SLC12A4: variants seen among roughly 807,000 people sequenced by gnomAD.
SLC12A4 encodes the protein electroneutral potassium-chloride cotransporter 1.
Under a neutral mutation model 119.2 loss-of-function variants are expected in SLC12A4, and 84 were observed. The observed-to-expected ratio is 0.70, with a 90% confidence interval of 0.59 to 0.85. The LOEUF is 0.85. Among genes scored for constraint, SLC12A4 ranks in the 40% least tolerant of loss-of-function variants. The probability of loss-of-function intolerance (pLI) is 0.00; values close to 1 mark genes in which losing one functional copy is unlikely to be tolerated. For missense variants in SLC12A4, 1,298 were observed against 1,476.3 expected (o/e 0.88, Z 1.98); for synonymous variants, 599 against 604.6 (o/e 0.99, Z 0.14).
chr16:67,948,346 C>T (rs565209671), intron 13 of SLC12A4, among the ~76,000 whole-genome samples, 187 bp from the exon 14 acceptor site: 36 of 152,330 alleles, frequency 2.4e-4, no homozygotes, highest in Middle Eastern at 6.8e-3. Flanking sequence ...GAGGAGTCCT[C>T]GGAGCCAGAT....
In SLC12A4 at chr16:67,946,300, G is replaced by A. The variant is rs760527523; in HGVS notation, c.2478C>T (p.Leu826=). ...RCTTAAHLAL[L]VPKNIAFYPS... is the part of the protein sequence containing the mutation. ...GGTAGAAGGCGATGTTCTTGGGCAC[G>A]AGCAGGGCCAGGTGGGCAGCCGTAG... Residue 826 remains leucine, a synonymous_variant, in exon 19 of 24, where the codon CTC becomes CTT. Coordinates refer to ENST00000316341, the MANE Select transcript of SLC12A4 (RefSeq NM_005072.5). 72 of 1,612,468 alleles carry A rather than the reference G, an allele frequency of 4.5e-5. No individual in the cohort carries two copies. The Admixed American group carries it at 1.0e-3, about 23-fold the overall frequency.
At chr16:67,966,752 C>A (rs1277714002) in intron 1 of SLC12A4, 25 of 1,551,512 alleles carry the variant, frequency 1.6e-5, no homozygotes, top group Non-Finnish European at 2.0e-5. Flanking sequence ...AAATCACTCA[C>A]CGGGGCTCAG....
intron 1 of SLC12A4, 127 bp downstream of exon 1, chr16:67,968,312 A>T (rs1196782433): frequency 1.2e-6 from 1 of 839,832 alleles, no homozygotes; most frequent in Non-Finnish European, 1.7e-6. Context: ...CGCGGTCCAA[A>T]AAAAGTTGAG....
At chr16:67,961,426 A>G in intron 3 of SLC12A4, 149 bp downstream of exon 3, 1 of 1,213,524 alleles carries the variant, frequency 8.2e-7, no homozygotes, top group Non-Finnish European at 1.1e-6. Flanking sequence ...GCCTCCTGAG[A>G]CAAGGCATTC....
In SLC12A4 at chr16:67,957,973, G is replaced by A. The variant is rs752224467; in HGVS notation, c.414C>T (p.Phe138=). 1.2e-6 allele frequency: 2 copies of A among 1,614,242 alleles called. No homozygotes were observed. The highest frequency in any genetic ancestry group is 2.2e-5 in the South Asian group (2 of 91,086). Residue 138 remains phenylalanine, a synonymous_variant, in exon 4 of 24, where the codon TTC becomes TTT. Transcript: ENST00000316341. ...CLQNIFGVIL[F]LRLTWMVGTA... ...TGCCCACCATCCAGGTCAGCCGCAGGAAGAGGATAACCCCAAAGATATTCT... is the reference window on the plus strand; with the variant it reads ...TGCCCACCATCCAGGTCAGCCGCAGAAAGAGGATAACCCCAAAGATATTCT...
intron 5 of SLC12A4, among the ~76,000 whole-genome samples, chr16:67,957,227 T>C (rs1171133966): frequency 6.7e-6 from 1 of 149,976 alleles, no homozygotes; most frequent in Non-Finnish European, 1.5e-5. Flanking sequence ...TGGAGTGCAG[T>C]GGTGCAATCT....
In SLC12A4 at chr16:67,943,987, T is replaced by C. The variant is rs1389355640; in HGVS notation, c.*853A>G. On this transcript the variant is annotated 3_prime_UTR_variant, in exon 24 of 24. Transcript: ENST00000316341. The surrounding 1 kb of genome is among the most constrained non-coding windows in gnomAD (Gnocchi z 4.6). Reference sequence around the variant, plus strand: ...CGTGTGTGGTTACTGAGCTCAGCCTTGGGCGTGGTGTGCGGGGGGAAGAGC... The same window carrying C: ...CGTGTGTGGTTACTGAGCTCAGCCTCGGGCGTGGTGTGCGGGGGGAAGAGC... 6.5e-7 allele frequency: 1 copy of C among 1,548,306 alleles called. No homozygotes were observed. The highest frequency in any genetic ancestry group is 8.7e-7 in the Non-Finnish European group (1 of 1,145,670).
In SLC12A4 at chr16:67,954,759, A is replaced by C; in HGVS notation, c.559T>G (p.Phe187Val). ...GGCCCCAGTGAACGAGAGATCATGA[A>C]ATAGGAGCCCCCAGCTACAGCAGAG... is the stretch of plus-strand genomic sequence containing the variant. ...NGVVPAGGSY[F>V]MISRSLGPEF... Residue 187 changes from phenylalanine to valine, a missense_variant, in exon 6 of 24, where the codon TTC (phenylalanine) becomes GTC (valine). Physicochemically the swap from Phe to Val is conservative, Grantham distance 50. Transcript: ENST00000316341. 6.2e-7 allele frequency: 1 copy of C among 1,614,106 alleles called. No individual in the cohort carries two copies. Among genetic ancestry groups the C allele is most frequent in the Non-Finnish European group, 8.5e-7 (1 of 1,180,006 alleles).
At chr16:67,961,121 C>A in intron 3 of SLC12A4, among the ~76,000 whole-genome samples, 1 of 152,130 alleles carries the variant, frequency 6.6e-6, no homozygotes, top group East Asian at 1.9e-4. Context: ...ATCTGTCTCC[C>A]ATAAAATCTA....
Position 67,951,956 on chromosome 16 carries a change from T to C in SLC12A4, c.999A>G (p.Thr333=), listed in dbSNP as rs776587335. The change falls in exon 8 of 24, where the codon ACA becomes ACG. Residue 333 remains threonine, a synonymous_variant. Transcript: ENST00000316341. The surrounding 1 kb of genome is among the most constrained non-coding windows in gnomAD (Gnocchi z 5.2). ...AGAAACTCCATAGCTGGGTGGCCACTGTCTCATTGTCCACTACAGCTGTCT... is the reference window on the plus strand; with the variant it reads ...AGAAACTCCATAGCTGGGTGGCCACCGTCTCATTGTCCACTACAGCTGTCT... ...CAKTAVVDNE[T]VATQLWSFFC... The C allele has an allele frequency of 6.9e-5, 111 of 1,613,920 alleles. No homozygotes were observed. The highest frequency in any genetic ancestry group is 9.1e-5 in the Non-Finnish European group (107 of 1,179,986).
intron 3 of SLC12A4, among the ~76,000 whole-genome samples, chr16:67,958,943 T>C (rs1053238330): frequency 6.6e-6 from 1 of 152,148 alleles, no homozygotes; most frequent in African/African-American, 2.4e-5. Context: ...CTACAGGTCA[T>C]GGTAACAGAA....
At position 67,946,332 on chromosome 16, in the gene SLC12A4, G is replaced by A. The variant is rs747319073; in HGVS notation, c.2446C>T (p.Arg816Cys). The A allele has an allele frequency of 5.6e-6, 9 of 1,609,638 alleles. No homozygotes were observed. The highest frequency in any genetic ancestry group is 2.2e-5 in the East Asian group (1 of 44,886). Residue 816 changes from arginine to cysteine, a missense_variant, in exon 19 of 24, where the codon CGC (arginine) becomes TGC (cysteine). Arg to Cys is a radical substitution (Grantham distance 180). Coordinates refer to ENST00000316341, the MANE Select transcript of SLC12A4 (RefSeq NM_005072.5). ...RAWKTFIDTV[R>C]CTTAAHLALL... ...GCCAGGTGGGCAGCCGTAGTGCAGC[G>A]CACGGTGTCTGGGGAGGAGGAGCAC... is the stretch of plus-strand genomic sequence containing the variant.
At chr16:67,964,184 G>A (rs2030753831) in intron 1 of SLC12A4, 3 of 1,263,060 alleles carry the variant, frequency 2.4e-6, no homozygotes, top group Admixed American at 2.7e-5. Context: ...AAAGTCGGAC[G>A]GGTGGGTGTC....
chr16:67,961,453 G>A (rs919513144), intron 3 of SLC12A4, 122 bp downstream of exon 3: 2 of 1,406,120 alleles, frequency 1.4e-6, no homozygotes, highest in Non-Finnish European at 1.9e-6. Flanking sequence ...CATCCTCCCT[G>A]CTCACTATGC....
chr16:67,961,385 C>T (rs536510699), intron 3 of SLC12A4, among the ~76,000 whole-genome samples, 190 bp downstream of exon 3: 63 of 152,246 alleles, frequency 4.1e-4, no homozygotes, highest in Admixed American at 1.2e-3. Flanking sequence ...CTCTGCCCCC[C>T]GGGGGGATTC....
chr16:67,948,357 C>T (rs973225208), intron 13 of SLC12A4, among the ~76,000 whole-genome samples, 198 bp from the exon 14 acceptor site: 3 of 152,202 alleles, frequency 2.0e-5, no homozygotes, highest in Non-Finnish European at 2.9e-5. Context: ...GGAGCCAGAT[C>T]GCAGAGGATG....
Position 67,950,117 on chromosome 16 carries a change from C to T in SLC12A4, c.1630-199G>A. 1.5e-6 allele frequency: 1 copy of T among 689,420 alleles called. No individual in the cohort carries two copies. Among genetic ancestry groups the T allele is most frequent in the Non-Finnish European group, 2.4e-6 (1 of 414,462 alleles). 42.7% of individuals were successfully genotyped at this position (689,420 alleles called of 1,614,324 possible). ...TCCTTTGGATGAGCCCTAAACAGGC[C>T]ATGAAGATTCTGGGTCCAGGCAGCT... On this transcript the variant is annotated intron_variant, in intron 12 of 23. Transcript: ENST00000316341. The surrounding 1 kb of genome is among the most constrained non-coding windows in gnomAD (Gnocchi z 4.3).
chr16:67,947,927 G>A (rs1259716303), intron 14 of SLC12A4, 134 bp downstream of exon 14: 17 of 1,467,344 alleles, frequency 1.2e-5, no homozygotes, highest in Non-Finnish European at 1.6e-5. Context: ...GTAAGACCTA[G>A]GTCCAGTCCC....
Position 67,944,643 on chromosome 16 carries a change from G to T in SLC12A4, c.*197C>A, listed in dbSNP as rs2058319598. The T allele has an allele frequency of 7.0e-7, 1 of 1,421,498 alleles. No homozygotes were observed. Among genetic ancestry groups the T allele is most frequent in the Non-Finnish European group, 9.2e-7 (1 of 1,091,292 alleles). The allele number at this position is 1,421,498 out of a possible 1,614,324, so 88.1% of individuals were successfully genotyped here. A position where few individuals can be genotyped will look rare whatever the true frequency, so the allele number is the denominator to read the frequency against. On this transcript the variant is annotated 3_prime_UTR_variant, in exon 24 of 24. Transcript: ENST00000316341. This position sits in a 1 kb window ranked among gnomAD's most constrained non-coding sequence, Gnocchi z 6.6. The stretch of plus-strand genomic sequence containing the variant: ...TAGTAAAGTCCCCAAACATCCCAGG[G>T]TCCCACAAGACCTGGGATCCATCTC...
Sources: allele counts gnomAD v4.1 joint callset (sites outside exome capture counted in the v4.1 genomes callset), GRCh38; gene constraint gnomAD v4.1.1; non-coding constraint Gnocchi (gnomAD v3.1); transcripts MANE v1.5; gene names NCBI Gene and HGNC (gene_info 2026-07-23, HGNC 2026-07-21).